The following ANO1 variants were observed in gnomAD, a reference collection of about 807,000 sequenced individuals.
ANO1 encodes the protein anoctamin 1.
Under a neutral mutation model 124.0 loss-of-function variants are expected in ANO1, and 59 were observed. The observed-to-expected ratio is 0.48, with a 90% CI of 0.39 to 0.59. The LOEUF is 0.59. ANO1 is among the 20% of genes least tolerant of loss of function. The probability of loss-of-function intolerance (pLI) is 0.00; values close to 1 mark genes in which losing one functional copy is unlikely to be tolerated. For missense variants in ANO1, 1,059 were observed against 1,328.0 expected (o/e 0.80, Z 3.15); for synonymous variants, 529 against 532.0 (o/e 0.99, Z 0.08).
chr11:70,054,613 A>G (rs1357752411), intron 1 of ANO1, among the ~76,000 whole-genome samples: 4 of 152,256 alleles, frequency 2.6e-5, no homozygotes, highest in African/African-American at 7.2e-5. Context: ...TAACTTAACT[A>G]TTTAGACATG....
At chr11:70,111,304 G>C (rs980518733) in intron 6 of ANO1, 3 of 476,174 alleles carry the variant, frequency 6.3e-6, no homozygotes, top group Non-Finnish European at 1.2e-5. Flanking sequence ...TCATGATTCA[G>C]CTTCTCTAAC....
chr11:70,172,814 C>T (rs560743683), intron 22 of ANO1, among the ~76,000 whole-genome samples: 5 of 151,690 alleles, frequency 3.3e-5, no homozygotes, highest in East Asian at 1.9e-4. Flanking sequence ...TGCAGTGAGC[C>T]GAGATCATGC....
At chr11:70,100,994 G>A (rs2155452) in intron 2 of ANO1, among the ~76,000 whole-genome samples, 36,134 of 152,096 alleles carry the variant, frequency 0.24, 5,181 homozygotes, top group East Asian at 0.59. Flanking sequence ...ACGCAGCCGG[G>A]GGCCTCACCA....
chr11:69,988,595 G>A (rs533262713), intron 1 of ANO1, among the ~76,000 whole-genome samples: 3 of 152,214 alleles, frequency 2.0e-5, no homozygotes, highest in East Asian at 1.9e-4. Context: ...GCTCATTCTC[G>A]CTCCCCTGCA....
chr11:70,179,505 G>C (rs2135822593), intron 22 of ANO1, among the ~76,000 whole-genome samples: 1 of 152,308 alleles, frequency 6.6e-6, no homozygotes, highest in East Asian at 1.9e-4. Flanking sequence ...AAGGGAACAA[G>C]GGTGTGTCTA....
intron 1 of ANO1, among the ~76,000 whole-genome samples, chr11:70,031,364 T>G (rs565573532): frequency 3.9e-5 from 6 of 152,344 alleles, no homozygotes; most frequent in African/African-American, 1.4e-4. Flanking sequence ...CATTTGAAAT[T>G]CTCTGCTATT....
At position 70,078,418 on chromosome 11, in the gene ANO1, G is replaced by A. The variant is rs1306968744; in HGVS notation, c.-189G>A. On this transcript the variant is annotated 5_prime_UTR_variant, in exon 1 of 26. Coordinates refer to ENST00000355303, the MANE Select transcript of ANO1 (RefSeq NM_018043.7). ...GGCTCAGGCGCCCCCCGCATCGAGC[G>A]CGCGGGCCGGGCGGGCCAGGGCGGC... is the stretch of plus-strand genomic sequence containing the variant. 2 of 151,844 alleles carry A rather than the reference G, an allele frequency of 1.3e-5. No homozygotes were observed. Among genetic ancestry groups the A allele is most frequent in the Non-Finnish European group, 1.4e-5 (1 of 70,594 alleles). 9.4% of individuals were successfully genotyped at this position (151,844 alleles called of 1,614,324 possible). A position where few individuals can be genotyped will look rare whatever the true frequency, so the allele number is the denominator to read the frequency against.
chr11:70,155,009 G>A (rs972567360), intron 14 of ANO1, among the ~76,000 whole-genome samples: 46 of 152,204 alleles, frequency 3.0e-4, no homozygotes, highest in Admixed American at 2.7e-3. Context: ...ACAAGCATCC[G>A]GCGTGTTTTC....
At chr11:70,070,229 TTATGACAAAA>T (rs1462090407) in intron 1 of ANO1, among the ~76,000 whole-genome samples, 3 of 152,120 alleles carry the variant, frequency 2.0e-5, no homozygotes, top group Non-Finnish European at 4.4e-5. Flanking sequence ...AGCGATCAAA[TTATGACAAAA>T]TCACCTGGAG....
intron 1 of ANO1, among the ~76,000 whole-genome samples, chr11:70,065,736 C>G (rs1394075472): frequency 6.6e-6 from 1 of 152,162 alleles, no homozygotes. Context: ...CAGTTCTTGT[C>G]CCCAGCACAC....
At position 70,135,552 on chromosome 11, in the gene ANO1, G is replaced by C. The variant is rs565396345; in HGVS notation, c.1258+3473G>C. Among the ~76,000 whole-genome samples the C allele has an allele frequency of 2.6e-5, 4 of 152,286 alleles. No homozygotes were observed. In the East Asian group the frequency reaches 7.7e-4, roughly 29 times the overall value. On this transcript the variant is annotated intron_variant, in intron 11 of 25. Coordinates refer to ENST00000355303, the MANE Select transcript of ANO1 (RefSeq NM_018043.7). ...GGGCACAGCCGTCTGAGAACCCCTG[G>C]CTGGTGTTCTTCTCTACAGCGGACT...
chr11:70,005,435 T>G (rs1248066915), intron 1 of ANO1, among the ~76,000 whole-genome samples: 1 of 152,270 alleles, frequency 6.6e-6, no homozygotes, highest in South Asian at 2.1e-4. Context: ...AATAAAACGT[T>G]CTTGTTGGCA....
rs140495737 is a variant in ANO1 at position 70,115,144 on chromosome 11, C to G, written c.856-1314C>G. ...TTAGGAGGAAATTGGTTAAACTGCT[C>G]TCAGAGCGTCTTCGTTCCAAGACCA... On this transcript the variant is annotated intron_variant, in intron 7 of 25. Coordinates refer to ENST00000355303, the MANE Select transcript of ANO1 (RefSeq NM_018043.7). Among the ~76,000 whole-genome samples the G allele has an allele frequency of 1.1e-3, 170 of 152,166 alleles. 3 individuals carry two copies. The East Asian group carries it at 0.025, about 22-fold the overall frequency.
chr11:69,997,351 T>C (rs1856290651), intron 1 of ANO1, among the ~76,000 whole-genome samples: 1 of 151,664 alleles, frequency 6.6e-6, no homozygotes. Flanking sequence ...GAAAATTGCT[T>C]ATAAATTACA....
At chr11:70,159,059 C>T (rs72942930) in intron 16 of ANO1, among the ~76,000 whole-genome samples, 2,910 of 152,254 alleles carry the variant, frequency 0.019, 30 homozygotes, top group Middle Eastern at 0.037. Flanking sequence ...AGGGCCAGTG[C>T]GGGGCCGGGA....
chr11:70,132,753 C>T (rs2046811695), intron 11 of ANO1, among the ~76,000 whole-genome samples: 1 of 152,212 alleles, frequency 6.6e-6, no homozygotes, highest in African/African-American at 2.4e-5. Flanking sequence ...TCTGGGTGAG[C>T]AAGCAGGCCC....
intron 5 of ANO1, 46 bp downstream of exon 5, chr11:70,105,834 C>T (rs1212036805): frequency 6.3e-7 from 1 of 1,582,266 alleles, no homozygotes; most frequent in South Asian, 1.1e-5. Flanking sequence ...CAAGATGGCC[C>T]TGGGGATCCA....
At chr11:70,072,608 A>T (rs1189097922) in intron 1 of ANO1, 1 of 152,252 alleles carries the variant, frequency 6.6e-6, no homozygotes, top group Non-Finnish European at 1.5e-5. Flanking sequence ...CCAGAGTCAG[A>T]GGCTTGCTGC....
At chr11:70,105,252 C>T (rs1344755088) in intron 4 of ANO1, among the ~76,000 whole-genome samples, 2 of 152,188 alleles carry the variant, frequency 1.3e-5, no homozygotes, top group East Asian at 1.9e-4. Context: ...CCAAGATGCC[C>T]CTCCACCCTC....
Sources: allele counts gnomAD v4.1 joint callset (sites outside exome capture counted in the v4.1 genomes callset), GRCh38; gene constraint gnomAD v4.1.1; transcripts MANE v1.5; gene names NCBI Gene and HGNC (gene_info 2026-07-23, HGNC 2026-07-21).